CNTNAP2: variants seen among roughly 807,000 people sequenced by gnomAD.
The protein encoded by CNTNAP2 is contactin-associated protein-like 2.
A neutral mutation model predicts 155.2 loss-of-function variants in CNTNAP2; 98 were observed. The observed-to-expected ratio is 0.63, with a 90% CI of 0.54 to 0.75. The LOEUF (loss-of-function observed/expected upper bound fraction) is 0.75. Ranked by LOEUF, CNTNAP2 falls within the 30% of genes least tolerant of loss-of-function variation. The pLI is 0.00. For missense variants in CNTNAP2, 1,727 were observed against 1,688.1 expected (o/e 1.02, Z -0.40); for synonymous variants, 651 against 631.2 (o/e 1.03, Z -0.47).
chr7:148,353,126 C>T (rs1798456448), intron 21 of CNTNAP2, among the ~76,000 whole-genome samples: 1 of 152,210 alleles, frequency 6.6e-6, no homozygotes, highest in African/African-American at 2.4e-5. Context: ...GCAGCCTGCT[C>T]CAAGGTCAAC....
intron 13 of CNTNAP2, among the ~76,000 whole-genome samples, chr7:147,902,122 C>T (rs17236982): frequency 0.23 from 35,246 of 152,048 alleles, 4,754 homozygotes; most frequent in Middle Eastern, 0.39. Flanking sequence ...ACCTTCATTG[C>T]GGACTGACCG....
chr7:147,425,546 G>A (rs1413398885), intron 10 of CNTNAP2, among the ~76,000 whole-genome samples: 1 of 151,948 alleles, frequency 6.6e-6, no homozygotes, highest in African/African-American at 2.4e-5. Context: ...CTAGCATCCA[G>A]CCCAACCTCA....
chr7:146,670,917 G>A (rs1446608578), intron 1 of CNTNAP2, among the ~76,000 whole-genome samples: 2 of 152,126 alleles, frequency 1.3e-5, no homozygotes, highest in Non-Finnish European at 2.9e-5. Context: ...TTGAGAGAAG[G>A]CAACCCCATT....
chr7:146,529,267 T>C (rs1435243489), intron 1 of CNTNAP2, among the ~76,000 whole-genome samples: 1 of 152,186 alleles, frequency 6.6e-6, no homozygotes, highest in Non-Finnish European at 1.5e-5. Flanking sequence ...AGAAAAAATA[T>C]ATGAAAGTAA....
At chr7:148,257,329 G>T (rs1473838971) in intron 20 of CNTNAP2, among the ~76,000 whole-genome samples, 1 of 152,184 alleles carries the variant, frequency 6.6e-6, no homozygotes, top group East Asian at 1.9e-4. Flanking sequence ...GCACCTCCAG[G>T]ACCGGCATGC....
intron 9 of CNTNAP2, among the ~76,000 whole-genome samples, chr7:147,307,109 G>T (rs931532827): frequency 1.3e-5 from 2 of 152,118 alleles, no homozygotes; most frequent in Non-Finnish European, 2.9e-5. Context: ...TAAAACCATA[G>T]AAATATTACA....
At chr7:147,345,449 G>C (rs1467160519) in intron 9 of CNTNAP2, among the ~76,000 whole-genome samples, 1 of 152,102 alleles carries the variant, frequency 6.6e-6, no homozygotes, top group African/African-American at 2.4e-5. Context: ...ATGCTTCCTT[G>C]TTTGGATCAA....
intron 3 of CNTNAP2, among the ~76,000 whole-genome samples, chr7:146,878,701 C>T (rs1023871709): frequency 3.3e-5 from 5 of 152,106 alleles, no homozygotes; most frequent in Non-Finnish European, 5.9e-5. Flanking sequence ...TGCCCTCACT[C>T]CACTCTAAGT....
rs548613837 is a variant in CNTNAP2 at position 147,830,152 on chromosome 7, C to T, written c.2099-73413C>T. ...GGAGTACGTACTGTCTCAGTCCATTCGGGTTGCTATTAAAAAAAAAAAAAA... is the reference window on the plus strand; with the variant it reads ...GGAGTACGTACTGTCTCAGTCCATTTGGGTTGCTATTAAAAAAAAAAAAAA... On this transcript the variant is annotated intron_variant, in intron 13 of 23. Transcript: ENST00000361727. Among the ~76,000 whole-genome samples, 17 of 122,164 alleles carry T rather than the reference C, an allele frequency of 1.4e-4. No homozygotes were observed. The South Asian group carries it at 3.4e-3, about 24-fold the overall frequency. 80.1% of individuals were successfully genotyped at this position (122,164 alleles called of 152,430 possible). A position where few individuals can be genotyped will look rare whatever the true frequency, so the allele number is the denominator to read the frequency against.
intron 1 of CNTNAP2, among the ~76,000 whole-genome samples, chr7:146,529,237 A>G (rs968376577): frequency 6.6e-6 from 1 of 152,140 alleles, no homozygotes; most frequent in Non-Finnish European, 1.5e-5. Flanking sequence ...AATGTTTTCA[A>G]TTTTTTTGTA....
intron 8 of CNTNAP2, among the ~76,000 whole-genome samples, chr7:147,184,819 T>C (rs1226157062): frequency 6.6e-6 from 1 of 152,156 alleles, no homozygotes; most frequent in Admixed American, 6.5e-5. Flanking sequence ...AGAAAGAACA[T>C]GTTGGGAAAA....
At chr7:148,096,860 C>G (rs547216637) in intron 15 of CNTNAP2, among the ~76,000 whole-genome samples, 1 of 152,150 alleles carries the variant, frequency 6.6e-6, no homozygotes, top group Non-Finnish European at 1.5e-5. Context: ...CTTAATATCC[C>G]TTAATATAAC....
chr7:148,405,797 G>A (rs1799691303), intron 22 of CNTNAP2, among the ~76,000 whole-genome samples: 1 of 150,834 alleles, frequency 6.6e-6, no homozygotes, highest in Non-Finnish European at 1.5e-5. Flanking sequence ...TGTATTTTTA[G>A]TAGAGACGGG....
intron 8 of CNTNAP2, among the ~76,000 whole-genome samples, chr7:147,293,672 T>G (rs1805359559): frequency 6.6e-6 from 1 of 152,148 alleles, no homozygotes; most frequent in South Asian, 2.1e-4. Context: ...CTTTTTCTTT[T>G]TTCAACATTC....
chr7:147,503,856 C>G (rs1798861525), intron 11 of CNTNAP2, among the ~76,000 whole-genome samples: 1 of 151,958 alleles, frequency 6.6e-6, no homozygotes, highest in Non-Finnish European at 1.5e-5. Flanking sequence ...ACCTAATAGT[C>G]TTTGTTGATT....
chr7:148,318,275 C>G (rs572649417), intron 21 of CNTNAP2, among the ~76,000 whole-genome samples: 1 of 152,126 alleles, frequency 6.6e-6, no homozygotes. Flanking sequence ...AGAAGTCACC[C>G]GGCTGTCGCC....
chr7:147,600,586 C>A (rs1461807599), intron 12 of CNTNAP2, among the ~76,000 whole-genome samples: 4 of 152,110 alleles, frequency 2.6e-5, no homozygotes, highest in South Asian at 2.1e-4. Context: ...GAAGACTGGG[C>A]CAAGAAGAGG....
At chr7:146,583,993 C>T (rs1798650358) in intron 1 of CNTNAP2, among the ~76,000 whole-genome samples, 1 of 152,046 alleles carries the variant, frequency 6.6e-6, no homozygotes, top group Non-Finnish European at 1.5e-5. Flanking sequence ...GTATATTTGT[C>T]CCTGATGTAG....
chr7:146,459,735 C>T (rs371385121), intron 1 of CNTNAP2, among the ~76,000 whole-genome samples: 3 of 152,074 alleles, frequency 2.0e-5, no homozygotes, highest in Non-Finnish European at 2.9e-5. Flanking sequence ...CTTTGGGAGG[C>T]GGAGGCAGAT....
Sources: gnomAD v4.1 joint callset for allele counts (sites outside exome capture counted in the v4.1 genomes callset) on GRCh38, gnomAD v4.1.1 for gene constraint, MANE v1.5 for transcripts, NCBI Gene and HGNC (gene_info 2026-07-23, HGNC 2026-07-21) for gene names.